The following PPFIA2 variants were observed in gnomAD, a reference collection of about 807,000 sequenced individuals.
The protein encoded by PPFIA2 is PPFI scaffold protein A2.
A neutral mutation model predicts 175.5 loss-of-function variants in PPFIA2; 46 were observed. The ratio of observed to expected loss-of-function variants is 0.26; its 90% CI spans 0.21 to 0.34. The LOEUF (loss-of-function observed/expected upper bound fraction) is 0.34, where lower values mean the gene tolerates loss of function less well. Among genes scored for constraint, PPFIA2 ranks in the 10% least tolerant of loss-of-function variants. PPFIA2 has a pLI of 1.00. For synonymous variants in PPFIA2, 568 were observed against 511.4 expected (o/e 1.11, Z -1.49); for missense variants, 1,179 against 1,506.1 (o/e 0.78, Z 3.60).
At chr12:81,536,388 G>T (rs956269695) in intron 4 of PPFIA2, among the ~76,000 whole-genome samples, 1 of 150,680 alleles carries the variant, frequency 6.6e-6, no homozygotes, top group African/African-American at 2.4e-5. Flanking sequence ...AAAAATAATC[G>T]CTTTCAATTA....
At chr12:81,384,697 T>C (rs771968420) in intron 8 of PPFIA2, among the ~76,000 whole-genome samples, 8 of 152,150 alleles carry the variant, frequency 5.3e-5, no homozygotes, top group African/African-American at 9.6e-5. Context: ...TTTTAAGTTT[T>C]ATTTTCAATG....
At position 81,396,137 on chromosome 12, in the gene PPFIA2, C is replaced by A. The variant is rs116868614; in HGVS notation, c.762+9650G>T. Among the ~76,000 whole-genome samples the A allele has an allele frequency of 2.8e-4, 43 of 152,028 alleles. 1 individual carries two copies. In the East Asian group the frequency reaches 7.4e-3, roughly 26 times the overall value. ...GATATTATAATTAAGCTCTAAGAAT[C>A]AAGATTTATAAAGTTAATCATTAAA... is the stretch of plus-strand genomic sequence containing the variant. On this transcript the variant is annotated intron_variant, in intron 8 of 32. Transcript: ENST00000549396.
chr12:81,436,662 C>A (rs561418953), intron 7 of PPFIA2, among the ~76,000 whole-genome samples: 8 of 152,258 alleles, frequency 5.3e-5, no homozygotes, highest in African/African-American at 1.9e-4. Context: ...ATCAACAACT[C>A]AAACTGCAAG....
intron 26 of PPFIA2, among the ~76,000 whole-genome samples, chr12:81,281,857 T>C (rs2042157546): frequency 6.6e-6 from 1 of 152,116 alleles, no homozygotes; most frequent in African/African-American, 2.4e-5. Context: ...CTACCATTGC[T>C]ATATTGTAAT....
intron 3 of PPFIA2, among the ~76,000 whole-genome samples, chr12:81,706,106 T>C (rs893795079): frequency 6.6e-6 from 1 of 152,214 alleles, no homozygotes; most frequent in African/African-American, 2.4e-5. Context: ...GCAATGCTGC[T>C]CTAAAAAGTT....
chr12:81,571,616 C>A (rs1459253863), intron 4 of PPFIA2, among the ~76,000 whole-genome samples: 1 of 152,078 alleles, frequency 6.6e-6, no homozygotes, highest in African/African-American at 2.4e-5. Context: ...GGTTAATATG[C>A]ATGGGTAAAC....
At chr12:81,274,187 C>T (rs1029569881) in intron 28 of PPFIA2, among the ~76,000 whole-genome samples, 2 of 152,124 alleles carry the variant, frequency 1.3e-5, no homozygotes, top group Non-Finnish European at 2.9e-5. Flanking sequence ...TGGGTGGCAG[C>T]AACAGTTCTC....
chr12:81,286,959 CAG>C (rs1367681813), intron 24 of PPFIA2, among the ~76,000 whole-genome samples: 1 of 151,958 alleles, frequency 6.6e-6, no homozygotes, highest in African/African-American at 2.4e-5. Context: ...TCATTATAAA[CAG>C]AAAGTTGCAT....
intron 24 of PPFIA2, 25 bp downstream of exon 24, chr12:81,294,810 A>G: frequency 6.2e-7 from 1 of 1,605,572 alleles, no homozygotes. Flanking sequence ...GCACTGAGGA[A>G]GGGGAGGAGC....
At chr12:81,510,484 ATTAC>A (rs1215887488) in intron 4 of PPFIA2, among the ~76,000 whole-genome samples, 1 of 152,188 alleles carries the variant, frequency 6.6e-6, no homozygotes, top group African/African-American at 2.4e-5. Flanking sequence ...GAATGTATTA[ATTAC>A]TTAGGTATGA....
intron 4 of PPFIA2, among the ~76,000 whole-genome samples, chr12:81,631,520 A>G (rs2063382942): frequency 6.6e-6 from 1 of 152,212 alleles, no homozygotes; most frequent in Admixed American, 6.5e-5. Flanking sequence ...GTTGTATAAA[A>G]TTATAAATTC....
At chr12:81,584,619 A>T (rs1274134843) in intron 4 of PPFIA2, among the ~76,000 whole-genome samples, 1 of 150,944 alleles carries the variant, frequency 6.6e-6, no homozygotes, top group African/African-American at 2.4e-5. Context: ...CCTACTACGC[A>T]TCTAGCCTAT....
chr12:81,652,333 C>G (rs2067146603), intron 4 of PPFIA2, among the ~76,000 whole-genome samples: 1 of 150,816 alleles, frequency 6.6e-6, no homozygotes, highest in Non-Finnish European at 1.5e-5. Flanking sequence ...TGTGGCCTTA[C>G]AAAGTTATCA....
At chr12:81,733,995 CT>C (rs1196057010) in intron 3 of PPFIA2, among the ~76,000 whole-genome samples, 2 of 151,762 alleles carry the variant, frequency 1.3e-5, no homozygotes, top group East Asian at 3.9e-4. Context: ...TTTAAAACTT[CT>C]GATTTGAGGG....
chr12:81,628,959 T>C (rs568360750), intron 4 of PPFIA2, among the ~76,000 whole-genome samples: 1 of 152,172 alleles, frequency 6.6e-6, no homozygotes, highest in African/African-American at 2.4e-5. Flanking sequence ...CCAGAGCCAA[T>C]ACAATGGAGG....
At chr12:81,311,695 T>TGCACTCCA (rs1199878116) in intron 22 of PPFIA2, among the ~76,000 whole-genome samples, 4 of 137,574 alleles carry the variant, frequency 2.9e-5, no homozygotes, top group African/African-American at 1.1e-4. Context: ...ATCGCGCCAC[T>TGCACTCCA]GCACTCCAGC....
At chr12:81,263,455 T>G in intron 30 of PPFIA2, 65 bp from the exon 31 acceptor site, 15 of 1,414,282 alleles carry the variant, frequency 1.1e-5, no homozygotes, top group Non-Finnish European at 1.5e-5. Flanking sequence ...CTTAAAGCTC[T>G]GTGCTTAGAA....
intron 30 of PPFIA2, among the ~76,000 whole-genome samples, chr12:81,263,621 G>C (rs2036323375): frequency 6.6e-6 from 1 of 152,018 alleles, no homozygotes; most frequent in Non-Finnish European, 1.5e-5. Flanking sequence ...CAAATTTAAG[G>C]TCTGACATCT....
intron 3 of PPFIA2, among the ~76,000 whole-genome samples, chr12:81,709,002 T>C (rs2077549657): frequency 1.3e-5 from 2 of 152,218 alleles, no homozygotes; most frequent in Non-Finnish European, 2.9e-5. Context: ...GCTTCATTTA[T>C]AAATTGTACT....
Sources: allele counts gnomAD v4.1 joint callset (sites outside exome capture counted in the v4.1 genomes callset), GRCh38; gene constraint gnomAD v4.1.1; transcripts MANE v1.5; gene names NCBI Gene and HGNC (gene_info 2026-07-23, HGNC 2026-07-21).